The following NR5A2 variants were observed in gnomAD, a reference collection of about 807,000 sequenced individuals.
The protein encoded by NR5A2 is CYP7A promoter-binding factor.
Under a neutral mutation model 62.7 loss-of-function variants are expected in NR5A2, and 26 were observed. The ratio of observed to expected loss-of-function variants is 0.41; its 90% CI spans 0.30 to 0.58. The LOEUF (loss-of-function observed/expected upper bound fraction) is 0.58, where lower values mean the gene tolerates loss of function less well. NR5A2 is among the 20% of genes least tolerant of loss of function. NR5A2 has a pLI of 0.22. For missense variants in NR5A2, 541 were observed against 669.1 expected, an observed-to-expected ratio of 0.81 and a Z score of 2.11; for synonymous variants, 246 against 241.7, an observed-to-expected ratio of 1.02 and a Z score of -0.16.
chr1:200,153,077 A>G (rs193279606), intron 7 of NR5A2, among the ~76,000 whole-genome samples: 2 of 152,136 alleles, frequency 1.3e-5, no homozygotes, highest in East Asian at 1.9e-4. Flanking sequence ...TCTTAATTAC[A>G]CTCTTGCTTT....
At chr1:200,130,056 C>T (rs1048904708) in intron 7 of NR5A2, among the ~76,000 whole-genome samples, 1 of 152,170 alleles carries the variant, frequency 6.6e-6, no homozygotes, top group African/African-American at 2.4e-5. Context: ...AGAAGAGGCA[C>T]AGCAACTTGT....
In NR5A2 at chr1:200,048,679, C is replaced by T; in HGVS notation, c.971C>T (p.Ala324Val). 2 of 1,614,186 alleles carry T rather than the reference C, an allele frequency of 1.2e-6. No individual in the cohort carries two copies. Among genetic ancestry groups the T allele is most frequent in the South Asian group, 1.1e-5 (1 of 91,082 alleles). The change falls in exon 5 of 8, where the codon GCC becomes GTC. Residue 324 changes from alanine to valine, a missense_variant. Ala to Val is a moderately conservative substitution (Grantham distance 64, BLOSUM62 0). Around this residue, in one of 3 missense-constraint regions of NR5A2, gnomAD observed 379 missense variants for 442.0 expected, o/e 0.86. Coordinates refer to ENST00000367362, the MANE Select transcript of NR5A2 (RefSeq NM_205860.3). This position sits in a 1 kb window ranked among gnomAD's most constrained non-coding sequence, Gnocchi z 4.8. ...DEPQVQAKIMAYLQQEQANRS... is the reference protein window; with the variant it reads ...DEPQVQAKIMVYLQQEQANRS... ...CCTCAAGTCCAGGCTAAAATCATGG[C>T]CTATTTGCAGCAAGAGCAGGCTAAC...
intron 2 of NR5A2, chr1:200,042,926 C>T (rs1433662238): frequency 3.0e-6 from 3 of 985,326 alleles, no homozygotes; most frequent in East Asian, 1.1e-4. Flanking sequence ...CGCGTCGTGG[C>T]GGCCTGATTT....
At chr1:200,098,714 T>C (rs1004396083) in intron 5 of NR5A2, among the ~76,000 whole-genome samples, 1 of 152,174 alleles carries the variant, frequency 6.6e-6, no homozygotes, top group African/African-American at 2.4e-5. Flanking sequence ...ATTAAGCACC[T>C]GCGGTGAGCC....
intron 7 of NR5A2, among the ~76,000 whole-genome samples, chr1:200,146,980 C>A: frequency 6.8e-6 from 1 of 147,492 alleles, no homozygotes. Context: ...TTTTCTGGTT[C>A]CACTTTGTTT....
chr1:200,174,286 G>GA lies in NR5A2; in HGVS notation c.*83dup. On this transcript the variant is annotated 3_prime_UTR_variant, in exon 8 of 8. Coordinates refer to ENST00000367362, the MANE Select transcript of NR5A2 (RefSeq NM_205860.3). Reference sequence around the variant, plus strand: ...TGGGGAGGGGGAAGAAGAACAGGAAGAAAAAAAGTACTCTGAACTGCTCCA... The same window carrying GA: ...TGGGGAGGGGGAAGAAGAACAGGAAGAAAAAAAAGTACTCTGAACTGCTCCA... The GA allele has an allele frequency of 3.5e-6, 5 of 1,432,714 alleles. No homozygotes were observed. Among genetic ancestry groups the GA allele is most frequent in the South Asian group, 1.7e-5 (1 of 59,288 alleles). 88.8% of individuals were successfully genotyped at this position (1,432,714 alleles called of 1,614,324 possible).
At chr1:200,146,096 A>G (rs1338438909) in intron 7 of NR5A2, among the ~76,000 whole-genome samples, 1 of 152,008 alleles carries the variant, frequency 6.6e-6, no homozygotes, top group African/African-American at 2.4e-5. Flanking sequence ...CCTAAATATT[A>G]AAGACTACTA....
chr1:200,094,339 C>T (rs1280985747), intron 5 of NR5A2, among the ~76,000 whole-genome samples: 2 of 151,134 alleles, frequency 1.3e-5, no homozygotes, highest in African/African-American at 4.9e-5. Context: ...CGCGGGCTAC[C>T]ACACCTGCCT....
chr1:200,073,325 T>G (rs1663840543), intron 5 of NR5A2, among the ~76,000 whole-genome samples: 1 of 36,890 alleles, frequency 2.7e-5, no homozygotes, highest in African/African-American at 1.2e-4. Context: ...TTCCCCTTTA[T>G]ATATATATAT....
At chr1:200,115,064 T>C (rs2102300640) in intron 6 of NR5A2, among the ~76,000 whole-genome samples, 1 of 145,864 alleles carries the variant, frequency 6.9e-6, no homozygotes, top group Non-Finnish European at 1.5e-5. Context: ...TAGTTAGTAG[T>C]TTGTTTTTGG....
At chr1:200,095,536 T>A (rs775999515) in intron 5 of NR5A2, among the ~76,000 whole-genome samples, 9 of 151,892 alleles carry the variant, frequency 5.9e-5, no homozygotes, top group Non-Finnish European at 1.0e-4. Flanking sequence ...TAAGTAAAAG[T>A]CCTTAACCAT....
At chr1:200,107,148 A>G (rs534155155) in intron 5 of NR5A2, among the ~76,000 whole-genome samples, 43 of 149,004 alleles carry the variant, frequency 2.9e-4, no homozygotes, top group Admixed American at 2.8e-3. Flanking sequence ...TGAGGTAGTC[A>G]CTGCCCTGTA....
chr1:200,148,040 G>T, intron 7 of NR5A2: 1 of 304,612 alleles, frequency 3.3e-6, no homozygotes. Flanking sequence ...GCAGGTCGCT[G>T]GAGCGCACGG....
At position 200,135,473 on chromosome 1, in the gene NR5A2, A is replaced by G. The variant is rs544809386; in HGVS notation, c.1378+14518A>G. 7.6e-4 allele frequency among the ~76,000 whole-genome samples: 116 copies of G among 151,766 alleles called. No individual in the cohort carries two copies. The Middle Eastern group carries it at 0.014, about 18-fold the overall frequency. On this transcript the variant is annotated intron_variant, in intron 7 of 7. Transcript: ENST00000367362. ...GAGGTGGAGGTTGCGGCAAGCCAAG[A>G]TTGCGCCCCTGCTCTCCAGCCTGGG...
chr1:200,120,815 A>G lies in NR5A2; in HGVS notation c.1238A>G (p.Tyr413Cys). The change falls in exon 7 of 8, where the codon TAT (tyrosine) becomes TGT (cysteine). Residue 413 changes from tyrosine to cysteine, a missense_variant. Coordinates refer to ENST00000367362, the MANE Select transcript of NR5A2 (RefSeq NM_205860.3). ...IFLVTGQQVDYSIIASQAGAT... is the reference protein window; with the variant it reads ...IFLVTGQQVDCSIIASQAGAT... Reference sequence around the variant, plus strand: ...TGTGATTCTGTATTGCAGGTGGACTATTCCATAATAGCATCACAAGCCGGA... The same window carrying G: ...TGTGATTCTGTATTGCAGGTGGACTGTTCCATAATAGCATCACAAGCCGGA... The G allele has an allele frequency of 6.4e-7, 1 of 1,557,340 alleles. No homozygotes were observed. Among genetic ancestry groups the G allele is most frequent in the Non-Finnish European group, 8.6e-7 (1 of 1,156,470 alleles).
At position 200,057,118 on chromosome 1, in the gene NR5A2, G is replaced by A. The variant is rs563706762; in HGVS notation, c.1110+8300G>A. On this transcript the variant is annotated intron_variant, in intron 5 of 7. Transcript: ENST00000367362. Reference sequence around the variant, plus strand: ...ACATAATGAATTTACATATCTTTGGGTCAATTTATGAAAAACCATTCTTTT... The same window carrying A: ...ACATAATGAATTTACATATCTTTGGATCAATTTATGAAAAACCATTCTTTT... Among the ~76,000 whole-genome samples, 3 of 152,268 alleles carry A rather than the reference G, an allele frequency of 2.0e-5. No homozygotes were observed. The South Asian group carries it at 6.2e-4, about 32-fold the overall frequency.
At chr1:200,066,865 C>G (rs1305924223) in intron 5 of NR5A2, among the ~76,000 whole-genome samples, 2 of 152,106 alleles carry the variant, frequency 1.3e-5, no homozygotes, top group African/African-American at 4.8e-5. Flanking sequence ...GGCGTGAGCC[C>G]CCATGCCTGG....
At chr1:200,091,105 A>C (rs563117934) in intron 5 of NR5A2, among the ~76,000 whole-genome samples, 6 of 152,286 alleles carry the variant, frequency 3.9e-5, no homozygotes, top group Admixed American at 2.6e-4. Context: ...GACCATGTCC[A>C]AATAAAAGAC....
At chr1:200,132,564 A>C (rs1667012011) in intron 7 of NR5A2, among the ~76,000 whole-genome samples, 1 of 152,064 alleles carries the variant, frequency 6.6e-6, no homozygotes, top group South Asian at 2.1e-4. Flanking sequence ...GCCTTTGTCA[A>C]CCCCCATGTT....
Sources: allele counts gnomAD v4.1 joint callset (sites outside exome capture counted in the v4.1 genomes callset), GRCh38; gene constraint gnomAD v4.1.1; regional missense constraint gnomAD v4.1.1; non-coding constraint Gnocchi (gnomAD v3.1); transcripts MANE v1.5; gene names NCBI Gene and HGNC (gene_info 2026-07-23, HGNC 2026-07-21).